Variants in SIL1 observed in about 807,000 individuals in gnomAD.
SIL1 encodes nucleotide exchange factor SIL1.
A neutral mutation model predicts 49.1 loss-of-function variants in SIL1; 40 were observed. That is an observed-to-expected ratio of 0.81 (90% confidence interval 0.63 to 1.06). SIL1 has a LOEUF of 1.06. Ranked by LOEUF, SIL1 falls within the 50% of genes least tolerant of loss-of-function variation. SIL1 has a pLI of 0.00. For missense variants in SIL1, 500 were observed against 572.6 expected (o/e 0.87, Z 1.29); for synonymous variants, 253 against 250.8 (o/e 1.01, Z -0.08).
chr5:139,015,407 T>C (rs1481046519), intron 7 of SIL1, among the ~76,000 whole-genome samples: 1 of 152,206 alleles, frequency 6.6e-6, no homozygotes, highest in Non-Finnish European at 1.5e-5. Flanking sequence ...AATATGAATA[T>C]ATGCTCAGTT....
At chr5:139,195,082 G>A (rs567927161) in intron 1 of SIL1, among the ~76,000 whole-genome samples, 445 of 151,380 alleles carry the variant, frequency 2.9e-3, no homozygotes, top group South Asian at 7.1e-3. Context: ...ACAGGCATGC[G>A]CCACCACGCC....
At chr5:138,988,528 G>A (rs907525556) in intron 7 of SIL1, among the ~76,000 whole-genome samples, 22 of 152,252 alleles carry the variant, frequency 1.4e-4, no homozygotes, top group African/African-American at 4.6e-4. Context: ...ATTAATTGAA[G>A]CACTGTCATT....
intron 1 of SIL1, among the ~76,000 whole-genome samples, chr5:139,186,452 C>G (rs1752079336): frequency 6.6e-6 from 1 of 152,028 alleles, no homozygotes; most frequent in South Asian, 2.1e-4. Flanking sequence ...GCCTATAGGT[C>G]AAATCTAGAC....
At chr5:139,149,624 G>A (rs1308974430) in intron 1 of SIL1, among the ~76,000 whole-genome samples, 1 of 152,218 alleles carries the variant, frequency 6.6e-6, no homozygotes, top group Non-Finnish European at 1.5e-5. Context: ...CTCTGAGGCA[G>A]AAGACAACAG....
At chr5:139,006,837 G>C (rs1191676475) in intron 7 of SIL1, among the ~76,000 whole-genome samples, 6 of 148,392 alleles carry the variant, frequency 4.0e-5, no homozygotes, top group East Asian at 2.0e-4. Flanking sequence ...TTTGGTACCA[G>C]TACCATGCTG....
chr5:139,005,444 T>C (rs1001647345), intron 7 of SIL1, among the ~76,000 whole-genome samples: 7 of 150,564 alleles, frequency 4.6e-5, no homozygotes, highest in South Asian at 4.2e-4. Flanking sequence ...TATTTATTTA[T>C]TTTTTCTTCC....
chr5:139,166,818 G>T (rs1561887269), intron 1 of SIL1, among the ~76,000 whole-genome samples: 5 of 150,732 alleles, frequency 3.3e-5, no homozygotes, highest in African/African-American at 1.2e-4. Flanking sequence ...CAATGTTTTT[G>T]TTTTTTTTGA....
In SIL1 at chr5:138,967,217, C is replaced by A. The variant is rs546644770; in HGVS notation, c.768-15333G>T. On this transcript the variant is annotated intron_variant, in intron 7 of 9. Coordinates refer to ENST00000394817, the MANE Select transcript of SIL1 (RefSeq NM_022464.5). ...AAAGCAGTGGTTTTCCAAGTCTGATCTCTGGGCCAGCAGCACCAGCAGTAT... is the reference window on the plus strand; with the variant it reads ...AAAGCAGTGGTTTTCCAAGTCTGATATCTGGGCCAGCAGCACCAGCAGTAT... Among the ~76,000 whole-genome samples the A allele has an allele frequency of 2.0e-5, 3 of 152,318 alleles. No individual in the cohort carries two copies. The East Asian group carries it at 5.8e-4, about 29-fold the overall frequency.
At chr5:139,114,318 T>G (rs1212780758) in intron 3 of SIL1, among the ~76,000 whole-genome samples, 2 of 152,190 alleles carry the variant, frequency 1.3e-5, no homozygotes, top group Non-Finnish European at 2.9e-5. Context: ...GAGAGGCTAG[T>G]GAAGAGACCT....
intron 1 of SIL1, chr5:139,187,766 C>T (rs1031520174): frequency 6.6e-5 from 10 of 152,176 alleles, no homozygotes; most frequent in African/African-American, 2.2e-4. Flanking sequence ...CCATTGAAGG[C>T]TTCTGATATG....
In SIL1 at chr5:139,056,486, T is replaced by A. The variant is rs569911287; in HGVS notation, c.245-5440A>T. ...GCGTCTCCGCCCGGCAGCCACCCCG[T>A]CCGGGAGGGAGGTGGGGGTCAGCCC... On this transcript the variant is annotated intron_variant, in intron 3 of 9. Coordinates refer to ENST00000394817, the MANE Select transcript of SIL1 (RefSeq NM_022464.5). Among the ~76,000 whole-genome samples the A allele has an allele frequency of 3.8e-4, 55 of 144,988 alleles. 1 individual carries two copies. The East Asian group carries it at 0.012, about 32-fold the overall frequency.
Position 139,115,669 on chromosome 5 carries a change from G to T in SIL1, c.244+5366C>A, listed in dbSNP as rs554937454. On this transcript the variant is annotated intron_variant, in intron 3 of 9. Transcript: ENST00000394817. ...ACACACTGAAGTGCTAGAAGGCTCT[G>T]CACACCACTCCCTACCCCCACTCCA... Among the ~76,000 whole-genome samples, 2 of 152,252 alleles carry T rather than the reference G, an allele frequency of 1.3e-5. 1 individual carries two copies. The highest frequency in any genetic ancestry group is 4.2e-4 in the South Asian group (2 of 4,818).
At chr5:139,090,451 T>C (rs1394108171) in intron 3 of SIL1, among the ~76,000 whole-genome samples, 1 of 152,144 alleles carries the variant, frequency 6.6e-6, no homozygotes, top group East Asian at 1.9e-4. Flanking sequence ...AATGACCTAC[T>C]GGATAATAAA....
At chr5:139,097,391 G>A (rs1054065680) in intron 3 of SIL1, among the ~76,000 whole-genome samples, 1 of 151,936 alleles carries the variant, frequency 6.6e-6, no homozygotes, top group Admixed American at 6.6e-5. Context: ...TACAGCATTG[G>A]AATAACTTAA....
At chr5:139,159,387 T>C (rs1751464714) in intron 1 of SIL1, among the ~76,000 whole-genome samples, 1 of 152,212 alleles carries the variant, frequency 6.6e-6, no homozygotes, top group Non-Finnish European at 1.5e-5. Flanking sequence ...TGAATCAAGT[T>C]TCTGAAACGT....
chr5:139,192,223 C>CA (rs71574438), intron 1 of SIL1, among the ~76,000 whole-genome samples: 8,315 of 107,066 alleles, frequency 0.078, 276 homozygotes, highest in Non-Finnish European at 0.11. Flanking sequence ...GACCCCATCT[C>CA]AAAAAAAAAA....
At chr5:139,066,450 A>G (rs1292840562) in intron 3 of SIL1, among the ~76,000 whole-genome samples, 1 of 152,008 alleles carries the variant, frequency 6.6e-6, no homozygotes, top group African/African-American at 2.4e-5. Flanking sequence ...TTGACCTCCC[A>G]AGCTCAAGTG....
chr5:139,010,747 TG>T (rs1195914363), intron 7 of SIL1, among the ~76,000 whole-genome samples: 5 of 150,042 alleles, frequency 3.3e-5, no homozygotes, highest in Non-Finnish European at 5.9e-5. Flanking sequence ...GTGCCCCTGC[TG>T]GGGGGTGCCT....
intron 3 of SIL1, among the ~76,000 whole-genome samples, chr5:139,114,733 T>C (rs913023881): frequency 2.0e-5 from 3 of 152,224 alleles, no homozygotes; most frequent in Non-Finnish European, 4.4e-5. Flanking sequence ...AAGTAAGCTC[T>C]GTTGAATACT....
Sources: gnomAD v4.1 joint callset for allele counts (sites outside exome capture counted in the v4.1 genomes callset) on GRCh38, gnomAD v4.1.1 for gene constraint, MANE v1.5 for transcripts, NCBI Gene and HGNC (gene_info 2026-07-23, HGNC 2026-07-21) for gene names.